The following DDX4 variants were observed in gnomAD, a reference collection of about 807,000 sequenced individuals.
DDX4 encodes probable ATP-dependent RNA helicase DDX4.
DDX4 carries 25 observed loss-of-function variants against 100.0 expected under a neutral mutation model. The ratio of observed to expected loss-of-function variants is 0.25; its 90% confidence interval spans 0.18 to 0.35. The LOEUF (loss-of-function observed/expected upper bound fraction) is 0.35, where lower values mean the gene tolerates loss of function less well. Among genes scored for constraint, DDX4 ranks in the 10% least tolerant of loss-of-function variants. The pLI is 1.00. For synonymous variants in DDX4, 259 were observed against 275.7 expected (o/e 0.94, Z 0.60); for missense variants, 635 against 882.4 (o/e 0.72, Z 3.55).
At chr5:55,809,608 T>C (rs1743987913) in intron 18 of DDX4, among the ~76,000 whole-genome samples, 1 of 152,232 alleles carries the variant, frequency 6.6e-6, no homozygotes, top group Non-Finnish European at 1.5e-5. Flanking sequence ...TAGAGGATCT[T>C]GGAGACTCTG....
intron 2 of DDX4, 22 bp downstream of exon 2, chr5:55,739,054 T>C (rs969087654): frequency 1.5e-6 from 2 of 1,367,856 alleles, no homozygotes; most frequent in African/African-American, 1.4e-5. Context: ...TAAAGTTTAG[T>C]TATTAAATGC....
At chr5:55,752,202 C>CT (rs909310416) in intron 3 of DDX4, among the ~76,000 whole-genome samples, 1 of 150,500 alleles carries the variant, frequency 6.6e-6, no homozygotes, top group African/African-American at 2.4e-5. Flanking sequence ...TATTATTATA[C>CT]TTTAAGTTTT....
At chr5:55,763,757 C>T (rs573016639) in intron 5 of DDX4, among the ~76,000 whole-genome samples, 2 of 152,066 alleles carry the variant, frequency 1.3e-5, no homozygotes, top group Non-Finnish European at 2.9e-5. Flanking sequence ...TGCCCATGTG[C>T]ATACAGAGGA....
At chr5:55,780,202 CCACAT>C in intron 8 of DDX4, 137 bp downstream of exon 8, 2 of 1,322,812 alleles carry the variant, frequency 1.5e-6, no homozygotes, top group Non-Finnish European at 2.0e-6. Context: ...ACATTAATCA[CCACAT>C]TGTATATAAC....
In DDX4 at chr5:55,782,244, AAGGATGTTCACTGAG is replaced by A. The variant is rs1383424627; in HGVS notation, c.625+265_625+279del. On this transcript the variant is annotated intron_variant, in intron 10 of 21. Coordinates refer to ENST00000505374, the MANE Select transcript of DDX4 (RefSeq NM_024415.3). ...TAGATGTATTTGGAAATAAATGTAC[AAGGATGTTCACTGAG>A]ATGTCATTTATAATAAGTAAAAACT... is the stretch of plus-strand genomic sequence containing the variant. 7 of 360,570 alleles carry A rather than the reference AAGGATGTTCACTGAG, an allele frequency of 1.9e-5. No homozygotes were observed. In the Admixed American group the frequency reaches 2.8e-4, roughly 15 times the overall value. The allele number at this position is 360,570 out of a possible 1,614,324, so 22.3% of individuals were successfully genotyped here. A position where few individuals can be genotyped will look rare whatever the true frequency, so the allele number is the denominator to read the frequency against.
intron 16 of DDX4, 116 bp from the exon 17 acceptor site, chr5:55,792,525 A>C (rs1742644233): frequency 2.1e-5 from 11 of 513,312 alleles, no homozygotes; most frequent in South Asian, 6.4e-5. Flanking sequence ...ACGCCTGGCT[A>C]ATTTTTTGTA....
intron 6 of DDX4, chr5:55,766,939 A>G (rs1419185997): frequency 6.6e-7 from 1 of 1,516,286 alleles, no homozygotes; most frequent in Admixed American, 2.0e-5. Context: ...AATGGGGTCT[A>G]GGAATTTATT....
chr5:55,742,595 G>A (rs952377446), intron 2 of DDX4, among the ~76,000 whole-genome samples: 4 of 152,214 alleles, frequency 2.6e-5, no homozygotes, highest in African/African-American at 7.2e-5. Context: ...AGCTGCATGT[G>A]AGAACACTTA....
intron 7 of DDX4, among the ~76,000 whole-genome samples, chr5:55,774,973 A>G (rs577354939): frequency 6.6e-6 from 1 of 152,348 alleles, no homozygotes; most frequent in East Asian, 1.9e-4. Context: ...TGTCATCACT[A>G]TCATCACCCA....
At chr5:55,776,431 A>G (rs1026981374) in intron 7 of DDX4, among the ~76,000 whole-genome samples, 4 of 152,360 alleles carry the variant, frequency 2.6e-5, no homozygotes, top group Middle Eastern at 3.4e-3. Context: ...AGAGAGGCAC[A>G]AGAGTCCTCA....
intron 2 of DDX4, chr5:55,742,284 T>G (rs530634794): frequency 1.1e-5 from 5 of 453,814 alleles, no homozygotes; most frequent in Non-Finnish European, 1.8e-5. Context: ...CGTTGCTTAC[T>G]TACTAGCTGT....
intron 18 of DDX4, among the ~76,000 whole-genome samples, chr5:55,813,366 A>G (rs1373594300): frequency 6.6e-6 from 1 of 152,148 alleles, no homozygotes; most frequent in Non-Finnish European, 1.5e-5. Context: ...GACTGAGACA[A>G]TTTTATATTA....
intron 7 of DDX4, among the ~76,000 whole-genome samples, chr5:55,768,479 A>C (rs1470361458): frequency 2.0e-5 from 3 of 152,106 alleles, no homozygotes; most frequent in African/African-American, 7.2e-5. Flanking sequence ...ATGGCTGCCT[A>C]GTATTCCATG....
At chr5:55,786,346 A>G (rs150773180) in intron 13 of DDX4, among the ~76,000 whole-genome samples, 172 bp from the exon 14 acceptor site, 4 of 152,318 alleles carry the variant, frequency 2.6e-5, no homozygotes, top group African/African-American at 7.2e-5. Context: ...AAATCATATT[A>G]TAATATACAG....
intron 3 of DDX4, among the ~76,000 whole-genome samples, chr5:55,755,581 G>A (rs1434355901): frequency 2.0e-5 from 3 of 152,032 alleles, no homozygotes; most frequent in African/African-American, 7.2e-5. Context: ...GTTTTCTTCT[G>A]TCATGTCGTC....
rs538859197 is a variant in DDX4, at chr5:55,768,422, G to A, written c.394+482G>A. On this transcript the variant is annotated intron_variant, in intron 7 of 21. Coordinates refer to ENST00000505374, the MANE Select transcript of DDX4 (RefSeq NM_024415.3). The stretch of plus-strand genomic sequence containing the variant: ...CCTGCATTAGTTTGCTTAGAATAAT[G>A]GAGCTCCATTCATGTTCCTGCAAAG... Among the ~76,000 whole-genome samples the A allele has an allele frequency of 2.0e-5, 3 of 152,190 alleles. No homozygotes were observed. In the South Asian group the frequency reaches 6.2e-4, roughly 32 times the overall value.
At chr5:55,814,157 A>G (rs1744261003) in intron 19 of DDX4, among the ~76,000 whole-genome samples, 2 of 152,180 alleles carry the variant, frequency 1.3e-5, no homozygotes, top group Non-Finnish European at 2.9e-5. Context: ...TCATATTAAT[A>G]CCGTTTTATG....
chr5:55,806,688 G>A (rs1193328637), intron 18 of DDX4, among the ~76,000 whole-genome samples: 1 of 152,216 alleles, frequency 6.6e-6, no homozygotes, highest in Non-Finnish European at 1.5e-5. Flanking sequence ...TGGTCTGAGA[G>A]ACAGTTTGTT....
chr5:55,743,564 G>A (rs1045032591), intron 2 of DDX4, among the ~76,000 whole-genome samples: 1 of 151,988 alleles, frequency 6.6e-6, no homozygotes, highest in Non-Finnish European at 1.5e-5. Context: ...TGAGTAGCTG[G>A]GATTACAGGT....
Sources: allele counts gnomAD v4.1 joint callset (sites outside exome capture counted in the v4.1 genomes callset), GRCh38; gene constraint gnomAD v4.1.1; transcripts MANE v1.5; gene names NCBI Gene and HGNC (gene_info 2026-07-23, HGNC 2026-07-21).